FNBP1: variants seen among roughly 807,000 people sequenced by gnomAD.
FNBP1 encodes formin-binding protein 1.
FNBP1 carries 26 observed loss-of-function variants against 90.6 expected under a neutral mutation model. The observed-to-expected ratio is 0.29, with a 90% confidence interval of 0.21 to 0.40. The LOEUF (loss-of-function observed/expected upper bound fraction) is 0.40, where lower values mean the gene tolerates loss of function less well. Among genes scored for constraint, FNBP1 ranks in the 10% least tolerant of loss-of-function variants. The pLI is 1.00. For missense variants in FNBP1, 635 were observed against 768.0 expected, an observed-to-expected ratio of 0.83 and a Z score of 2.05; for synonymous variants, 260 against 265.2, an observed-to-expected ratio of 0.98 and a Z score of 0.19.
At position 130,024,963 on chromosome 9, in the gene FNBP1, T is replaced by C. The variant is rs186265261; in HGVS notation, c.24+17989A>G. Among the ~76,000 whole-genome samples the C allele has an allele frequency of 4.9e-3, 747 of 152,232 alleles. 6 individuals are homozygous for C. Among genetic ancestry groups the C allele is most frequent in the Middle Eastern group, 0.017 (5 of 294 alleles). On this transcript the variant is annotated intron_variant, in intron 1 of 16. Coordinates refer to ENST00000446176, the MANE Select transcript of FNBP1 (RefSeq NM_015033.3). Reference sequence around the variant, plus strand: ...GGGAGGCCGAGGTGGGTGAATCACCTGAGGTCAGGAGTTTGAGACCAGCCT... The same window carrying C: ...GGGAGGCCGAGGTGGGTGAATCACCCGAGGTCAGGAGTTTGAGACCAGCCT...
intron 6 of FNBP1, among the ~76,000 whole-genome samples, chr9:129,951,573 G>A (rs953537948): frequency 2.0e-5 from 3 of 151,802 alleles, no homozygotes; most frequent in African/African-American, 7.3e-5. Context: ...TCCAGAGTAG[G>A]TGGGACTCCA....
intron 2 of FNBP1, among the ~76,000 whole-genome samples, chr9:129,983,605 G>C (rs1048220680): frequency 1.3e-5 from 2 of 152,180 alleles, no homozygotes; most frequent in Non-Finnish European, 2.9e-5. Context: ...TGGATCGGGA[G>C]TTCGAGACCA....
chr9:129,948,668 A>G (rs7849710), intron 6 of FNBP1, among the ~76,000 whole-genome samples: 151,762 of 152,220 alleles, frequency 1, 75,654 homozygotes, highest in Middle Eastern at 1. Context: ...TTAGCCTCCC[A>G]AATAGCTGGG....
At chr9:130,019,084 G>A (rs946075274) in intron 1 of FNBP1, among the ~76,000 whole-genome samples, 2 of 152,020 alleles carry the variant, frequency 1.3e-5, no homozygotes, top group South Asian at 2.1e-4. Flanking sequence ...AAAATTAGCC[G>A]GGCATGGTGG....
intron 6 of FNBP1, among the ~76,000 whole-genome samples, chr9:129,950,581 A>T (rs558112703): frequency 6.6e-6 from 1 of 152,336 alleles, no homozygotes; most frequent in East Asian, 1.9e-4. Context: ...TCTGAACCAC[A>T]AACAGCCAGA....
chr9:129,927,712 G>A (rs937336354), intron 7 of FNBP1, among the ~76,000 whole-genome samples: 1 of 152,148 alleles, frequency 6.6e-6, no homozygotes, highest in East Asian at 1.9e-4. Flanking sequence ...AGGTTCAAGT[G>A]ATTCTCCTGC....
chr9:129,917,892 G>A (rs970831748), intron 10 of FNBP1, among the ~76,000 whole-genome samples: 6 of 152,014 alleles, frequency 3.9e-5, no homozygotes, highest in Non-Finnish European at 7.4e-5. Context: ...TTCATTGTAC[G>A]CACAGACAAG....
At chr9:129,910,047 C>G (rs2038955785) in intron 11 of FNBP1, 1 of 413,310 alleles carries the variant, frequency 2.4e-6, no homozygotes, top group African/African-American at 2.1e-5. Flanking sequence ...TCAGAAGCAG[C>G]TGCTCTCTTT....
Position 129,889,600 on chromosome 9 carries a change from GGAAGTGCTACCCTTTTCA to G in FNBP1, c.*921_*938del, listed in dbSNP as rs2034943894. 1 of 218,054 alleles carries G rather than the reference GGAAGTGCTACCCTTTTCA, an allele frequency of 4.6e-6. No individual in the cohort carries two copies. Among genetic ancestry groups the G allele is most frequent in the Non-Finnish European group, 9.2e-6 (1 of 108,778 alleles). The allele number at this position is 218,054 out of a possible 1,614,324, so 13.5% of individuals were successfully genotyped here. A position where few individuals can be genotyped will look rare whatever the true frequency, so the allele number is the denominator to read the frequency against. ...AAAAAAAAAAAACAACAACAAAAAAGGAAGTGCTACCCTTTTCAGATGCTAATCCTGGGGCTCCTGGAA... is the reference window on the plus strand; with the variant it reads ...AAAAAAAAAAAACAACAACAAAAAAGGATGCTAATCCTGGGGCTCCTGGAA... On this transcript the variant is annotated 3_prime_UTR_variant, in exon 17 of 17. Transcript: ENST00000446176.
chr9:130,017,327 G>T (rs1262561703), intron 1 of FNBP1, among the ~76,000 whole-genome samples: 1 of 152,062 alleles, frequency 6.6e-6, no homozygotes, highest in Admixed American at 6.5e-5. Context: ...ACGGGTAGTT[G>T]GTTCTACTTA....
intron 9 of FNBP1, among the ~76,000 whole-genome samples, chr9:129,924,472 C>T (rs2041584831): frequency 1.3e-5 from 2 of 152,252 alleles, no homozygotes; most frequent in South Asian, 2.1e-4. Context: ...CTGCCTTGAT[C>T]ATATTCTACG....
At chr9:129,946,603 T>C (rs2045330044) in intron 6 of FNBP1, among the ~76,000 whole-genome samples, 1 of 152,200 alleles carries the variant, frequency 6.6e-6, no homozygotes. Flanking sequence ...ATTGAGACTC[T>C]AGCAGAAAAA....
intron 16 of FNBP1, among the ~76,000 whole-genome samples, chr9:129,891,691 C>G (rs2035121969): frequency 6.6e-6 from 1 of 152,120 alleles, no homozygotes; most frequent in African/African-American, 2.4e-5. Context: ...ACTTCTCAGG[C>G]CCTGAGTGCA....
chr9:129,957,553 T>G lies in FNBP1; in HGVS notation c.409-89A>C. ...AAAGCTCCCAAAGAGCATTGTTCTT[T>G]TTCTTTTTTTTTTCTTCAGTCAGGG... On this transcript the variant is annotated intron_variant, in intron 5 of 16. Transcript: ENST00000446176. This position sits in a 1 kb window ranked among gnomAD's most constrained non-coding sequence, Gnocchi z 4.3. 3 of 1,062,496 alleles carry G rather than the reference T, an allele frequency of 2.8e-6. No individual in the cohort carries two copies. The highest frequency in any genetic ancestry group is 2.6e-5 in the East Asian group (1 of 38,626). 65.8% of individuals were successfully genotyped at this position (1,062,496 alleles called of 1,614,324 possible).
chr9:129,897,403 C>T (rs116883582), intron 15 of FNBP1, among the ~76,000 whole-genome samples: 3,350 of 152,128 alleles, frequency 0.022, 60 homozygotes, highest in South Asian at 0.043. Flanking sequence ...AAACTGGGAA[C>T]GTTTAAACTG....
chr9:129,961,160 A>G (rs993690704), intron 4 of FNBP1, among the ~76,000 whole-genome samples: 1 of 151,980 alleles, frequency 6.6e-6, no homozygotes, highest in Non-Finnish European at 1.5e-5. Context: ...TAAAAATACA[A>G]AAAGTAGCCA....
rs182947870 is a variant in FNBP1, at chr9:129,905,222, T to G, written c.1296-2221A>C. Among the ~76,000 whole-genome samples, 121 of 150,528 alleles carry G rather than the reference T, an allele frequency of 8.0e-4. 1 individual carries two copies. Among genetic ancestry groups the G allele is most frequent in the African/African-American group, 2.9e-3 (119 of 41,344 alleles). On this transcript the variant is annotated intron_variant, in intron 12 of 16. Transcript: ENST00000446176. The stretch of plus-strand genomic sequence containing the variant: ...GTCTTTCCTAATCAATCTTTCCACA[T>G]GTTTATCAACTTTATTGATCTTTTT...
intron 4 of FNBP1, among the ~76,000 whole-genome samples, chr9:129,970,981 G>T (rs1270360605): frequency 3.3e-5 from 5 of 151,916 alleles, no homozygotes; most frequent in Non-Finnish European, 5.9e-5. Context: ...CCGCCTCCAG[G>T]TTCAAGCAAT....
intron 6 of FNBP1, among the ~76,000 whole-genome samples, chr9:129,939,415 T>C (rs1377539574): frequency 6.6e-6 from 1 of 152,030 alleles, no homozygotes; most frequent in East Asian, 1.9e-4. Context: ...CTTGCATATG[T>C]TATCACATGT....
Sources: allele counts gnomAD v4.1 joint callset (sites outside exome capture counted in the v4.1 genomes callset), GRCh38; gene constraint gnomAD v4.1.1; non-coding constraint Gnocchi (gnomAD v3.1); transcripts MANE v1.5; gene names NCBI Gene and HGNC (gene_info 2026-07-23, HGNC 2026-07-21).